PTPRN2: variants seen among roughly 807,000 people sequenced by gnomAD.
The protein encoded by PTPRN2 is protein tyrosine phosphatase receptor type N2.
PTPRN2 carries 74 observed loss-of-function variants against 118.8 expected under a neutral mutation model. That is an observed-to-expected ratio of 0.62 (90% CI 0.52 to 0.76). PTPRN2 has a LOEUF of 0.76. Ranked by LOEUF, PTPRN2 falls within the 30% of genes least tolerant of loss-of-function variation. The probability of loss-of-function intolerance (pLI) is 0.00; values close to 1 mark genes in which losing one functional copy is unlikely to be tolerated. For synonymous variants in PTPRN2, 641 were observed against 608.0 expected (o/e 1.05, Z -0.80); for missense variants, 1,481 against 1,394.4 (o/e 1.06, Z -0.99).
rs1444239147 is a variant in PTPRN2 at position 158,346,402 on chromosome 7, C to G, written c.164-29470G>C. 3.9e-5 allele frequency among the ~76,000 whole-genome samples: 6 copies of G among 152,278 alleles called. No individual in the cohort carries two copies. The East Asian group carries it at 1.2e-3, about 29-fold the overall frequency. On this transcript the variant is annotated intron_variant, in intron 2 of 22. Coordinates refer to ENST00000389418, the MANE Select transcript of PTPRN2 (RefSeq NM_002847.5). ...TCATGCGGTATTTGTCTTTCTGTGCCTGGCTTATTTCACTCAGCGTAATGC... is the reference window on the plus strand; with the variant it reads ...TCATGCGGTATTTGTCTTTCTGTGCGTGGCTTATTTCACTCAGCGTAATGC...
At chr7:158,465,423 C>T (rs892162714) in intron 2 of PTPRN2, among the ~76,000 whole-genome samples, 4 of 152,214 alleles carry the variant, frequency 2.6e-5, no homozygotes, top group African/African-American at 9.6e-5. Context: ...TTTATCCCTG[C>T]AGTAGACAGA....
At chr7:157,647,342 G>A (rs541595909) in intron 14 of PTPRN2, among the ~76,000 whole-genome samples, 2 of 28,760 alleles carry the variant, frequency 7.0e-5, no homozygotes, top group East Asian at 8.7e-4. Context: ...TCGGTGGGTC[G>A]GACCCATTCG....
At chr7:157,933,976 T>G (rs1799554496) in intron 11 of PTPRN2, among the ~76,000 whole-genome samples, 1 of 152,006 alleles carries the variant, frequency 6.6e-6, no homozygotes, top group South Asian at 2.1e-4. Flanking sequence ...CTGATTTGCA[T>G]TTTTAAAGTA....
chr7:158,123,718 A>C (rs1247798229), intron 9 of PTPRN2, among the ~76,000 whole-genome samples: 1 of 152,196 alleles, frequency 6.6e-6, no homozygotes, highest in Non-Finnish European at 1.5e-5. Flanking sequence ...GCTCACTATA[A>C]ACACTTTTTA....
chr7:157,940,150 G>A (rs1462692567), intron 11 of PTPRN2, among the ~76,000 whole-genome samples: 1 of 152,118 alleles, frequency 6.6e-6, no homozygotes, highest in Non-Finnish European at 1.5e-5. Flanking sequence ...ATTTCCTTCT[G>A]GGCATCATCC....
At chr7:158,162,152 G>A (rs1484325965) in intron 6 of PTPRN2, among the ~76,000 whole-genome samples, 1 of 152,192 alleles carries the variant, frequency 6.6e-6, no homozygotes, top group Non-Finnish European at 1.5e-5. Flanking sequence ...AATGCAGAAT[G>A]CCACAGCCAC....
intron 2 of PTPRN2, among the ~76,000 whole-genome samples, chr7:158,325,595 A>G (rs575934736): frequency 1.3e-5 from 2 of 152,356 alleles, no homozygotes; most frequent in South Asian, 4.1e-4. Context: ...GGAAACTATC[A>G]GAACAAAGTT....
intron 13 of PTPRN2, among the ~76,000 whole-genome samples, chr7:157,662,277 G>A (rs1021485375): frequency 6.6e-6 from 1 of 152,218 alleles, no homozygotes; most frequent in Non-Finnish European, 1.5e-5. Context: ...CACACCAGGT[G>A]ATTATTTGCT....
In PTPRN2 at chr7:157,953,683, C is replaced by T. The variant is rs1338077498; in HGVS notation, c.1724-54946G>A. On this transcript the variant is annotated intron_variant, in intron 11 of 22. Coordinates refer to ENST00000389418, the MANE Select transcript of PTPRN2 (RefSeq NM_002847.5). The surrounding 1 kb of genome is among the most constrained non-coding windows in gnomAD (Gnocchi z 4.6). ...ACATCTCATTTTTTCAGAGCTGCATCATCAGAGCAGTTGGGGGACAGGAGG... is the reference window on the plus strand; with the variant it reads ...ACATCTCATTTTTTCAGAGCTGCATTATCAGAGCAGTTGGGGGACAGGAGG... Among the ~76,000 whole-genome samples, 1 of 152,042 alleles carries T rather than the reference C, an allele frequency of 6.6e-6. No individual in the cohort carries two copies. Among genetic ancestry groups the T allele is most frequent in the Non-Finnish European group, 1.5e-5 (1 of 67,998 alleles).
At chr7:158,057,703 T>TC (rs1809901997) in intron 11 of PTPRN2, among the ~76,000 whole-genome samples, 1 of 150,732 alleles carries the variant, frequency 6.6e-6, no homozygotes, top group South Asian at 2.1e-4. Context: ...CAGCAAAGTC[T>TC]CCAAGAACCC....
chr7:158,016,905 G>A lies in PTPRN2; in HGVS notation c.1723+64393C>T, dbSNP rs993889004. 6.6e-5 allele frequency among the ~76,000 whole-genome samples: 10 copies of A among 152,112 alleles called. No homozygotes were observed. The East Asian group carries it at 1.3e-3, about 20-fold the overall frequency. ...GAAACTAATCATACACATGATAACC[G>A]GGCTTCACCACCTACAGTGCCCTGC... On this transcript the variant is annotated intron_variant, in intron 11 of 22. Transcript: ENST00000389418.
intron 11 of PTPRN2, among the ~76,000 whole-genome samples, chr7:157,905,322 A>G (rs1342110607): frequency 6.6e-6 from 1 of 152,222 alleles, no homozygotes; most frequent in Non-Finnish European, 1.5e-5. Flanking sequence ...ATCAAATGCC[A>G]GGTCTGAGTT....
At chr7:158,071,084 CCCG>C (rs1255061272) in intron 11 of PTPRN2, among the ~76,000 whole-genome samples, 9 of 60,936 alleles carry the variant, frequency 1.5e-4, no homozygotes, top group African/African-American at 5.3e-4. Context: ...GGTGGAGGTG[CCCG>C]TGGTGGTGGA....
intron 5 of PTPRN2, among the ~76,000 whole-genome samples, chr7:158,188,262 CGCTCGCCCCCTGT>C (rs1299060829): frequency 1.3e-4 from 11 of 85,456 alleles, no homozygotes; most frequent in Non-Finnish European, 1.8e-4. Context: ...AAGGCCGCCA[CGCTCGCCCCCTGT>C]ATGGGGAAGG....
chr7:158,243,043 TC>T (rs1271312511), intron 3 of PTPRN2, among the ~76,000 whole-genome samples: 1 of 152,216 alleles, frequency 6.6e-6, no homozygotes, highest in African/African-American at 2.4e-5. Context: ...GTTATTTCCT[TC>T]CTTCCACTAA....
chr7:158,566,898 T>C (rs1194052239), intron 1 of PTPRN2, among the ~76,000 whole-genome samples: 1 of 152,096 alleles, frequency 6.6e-6, no homozygotes, highest in Non-Finnish European at 1.5e-5. Context: ...GTATTTTTAG[T>C]AGAGATGGTT....
intron 12 of PTPRN2, among the ~76,000 whole-genome samples, chr7:157,862,294 G>A (rs1357223401): frequency 1.3e-5 from 2 of 152,236 alleles, no homozygotes; most frequent in African/African-American, 2.4e-5. Flanking sequence ...ATCTTTCTGC[G>A]GAGACAGTTC....
At chr7:158,120,699 G>T (rs78297149) in intron 9 of PTPRN2, among the ~76,000 whole-genome samples, 167 of 152,288 alleles carry the variant, frequency 1.1e-3, no homozygotes, top group African/African-American at 3.7e-3. Context: ...CTCTTTTCCT[G>T]TACATTTTGG....
intron 6 of PTPRN2, among the ~76,000 whole-genome samples, chr7:158,155,015 C>T (rs947423372): frequency 1.3e-5 from 2 of 152,212 alleles, no homozygotes; most frequent in Admixed American, 6.5e-5. Context: ...ACAAGAATAT[C>T]AAAGTAAAAC....
Sources: gnomAD v4.1 joint callset for allele counts (sites outside exome capture counted in the v4.1 genomes callset) on GRCh38, gnomAD v4.1.1 for gene constraint, Gnocchi (gnomAD v3.1) non-coding constraint, MANE v1.5 for transcripts, NCBI Gene and HGNC (gene_info 2026-07-23, HGNC 2026-07-21) for gene names.